The following CWF19L1 variants were observed in gnomAD, a reference collection of about 807,000 sequenced individuals.
The protein encoded by CWF19L1 is CWF19 like cell cycle control factor 1.
Under a neutral mutation model 69.7 loss-of-function variants are expected in CWF19L1, and 60 were observed. The observed-to-expected ratio is 0.86, with a 90% confidence interval of 0.70 to 1.07. CWF19L1 has a LOEUF of 1.07. Among genes scored for constraint, CWF19L1 ranks in the 50% least tolerant of loss-of-function variants. The probability of loss-of-function intolerance (pLI) is 0.00; values close to 1 mark genes in which losing one functional copy is unlikely to be tolerated. For synonymous variants in CWF19L1, 209 were observed against 222.2 expected (o/e 0.94, Z 0.53); for missense variants, 591 against 638.9 (o/e 0.92, Z 0.81).
At chr10:100,245,034 T>G (rs1168328187) in intron 9 of CWF19L1, among the ~76,000 whole-genome samples, 1 of 151,738 alleles carries the variant, frequency 6.6e-6, no homozygotes, top group Non-Finnish European at 1.5e-5. Flanking sequence ...ACTTTTTTTT[T>G]TTTTTTGAGA....
Position 100,256,474 on chromosome 10 carries a change from G to T in CWF19L1, c.292C>A (p.Arg98Ser), listed in dbSNP as rs372465564. 2.5e-6 allele frequency: 4 copies of T among 1,613,772 alleles called. No homozygotes were observed. The South Asian group carries it at 4.4e-5, about 18-fold the overall frequency. Residue 98 changes from arginine (R) to serine (S), a missense_variant and splice_region_variant, in exon 5 of 14, where the codon CGT becomes AGT. Transcript: ENST00000354105. Reference protein sequence around the residue: ...ELAENITYLGRKGIFTGSSGL... With the variant: ...ELAENITYLGSKGIFTGSSGL... ...GAGCTTCCAGTGAAGATACCTTTAC[G>T]ACCTGGGTTCAAAGAAAAATGAACA...
At chr10:100,260,395 A>C (rs1231692623) in intron 3 of CWF19L1, 76 bp from the exon 4 acceptor site, 1 of 757,458 alleles carries the variant, frequency 1.3e-6, no homozygotes, top group African/African-American at 1.8e-5. Flanking sequence ...TCTCTATAGA[A>C]AAAATACTTA....
At chr10:100,257,376 C>A (rs1412217430) in intron 4 of CWF19L1, among the ~76,000 whole-genome samples, 1 of 149,824 alleles carries the variant, frequency 6.7e-6, no homozygotes, top group East Asian at 2.0e-4. Flanking sequence ...TCATTGCAAC[C>A]TCCACCTCCG....
At chr10:100,247,844 C>T (rs989765060) in intron 7 of CWF19L1, among the ~76,000 whole-genome samples, 1 of 151,932 alleles carries the variant, frequency 6.6e-6, no homozygotes, top group African/African-American at 2.4e-5. Flanking sequence ...TGCAGTAAGC[C>T]GAGATCGTGC....
chr10:100,250,081 CAA>C, intron 7 of CWF19L1, 165 bp downstream of exon 7: 2 of 637,198 alleles, frequency 3.1e-6, no homozygotes, highest in Non-Finnish European at 5.6e-6. Context: ...CAAAAAGACC[CAA>C]AGAGACTTGA....
chr10:100,267,333 T>A, intron 1 of CWF19L1: 2 of 701,184 alleles, frequency 2.9e-6, no homozygotes, highest in Non-Finnish European at 3.5e-6. Flanking sequence ...GGCCTAACTC[T>A]GGGAGCTTCC....
chr10:100,239,872 T>TA (rs911570519), intron 10 of CWF19L1, among the ~76,000 whole-genome samples: 18 of 152,224 alleles, frequency 1.2e-4, no homozygotes, highest in African/African-American at 4.3e-4. Context: ...TCACAGGCAC[T>TA]AAAAACTTTT....
chr10:100,257,399 A>T (rs1473029295), intron 4 of CWF19L1, among the ~76,000 whole-genome samples: 1 of 147,178 alleles, frequency 6.8e-6, no homozygotes, highest in African/African-American at 2.5e-5. Context: ...TCCCGGGTTC[A>T]AGTGATTCTC....
chr10:100,243,582 T>C (rs1341276098), intron 10 of CWF19L1, 116 bp downstream of exon 10: 1 of 927,552 alleles, frequency 1.1e-6, no homozygotes, highest in East Asian at 2.4e-5. Context: ...CTTACGAAAA[T>C]CACCGAATCA....
At chr10:100,245,057 C>CT (rs1207262462) in intron 9 of CWF19L1, among the ~76,000 whole-genome samples, 1 of 149,632 alleles carries the variant, frequency 6.7e-6, no homozygotes, top group Admixed American at 6.7e-5. Context: ...GAGTCTCACT[C>CT]TGTCACCCAG....
At chr10:100,235,842 A>C (rs1846417115) in intron 12 of CWF19L1, 78 bp from the exon 13 acceptor site, 2 of 1,021,164 alleles carry the variant, frequency 2.0e-6, no homozygotes, top group African/African-American at 3.2e-5. Context: ...CTAGGCAAAT[A>C]ATTCAGTCTA....
chr10:100,259,531 T>C (rs747723549), intron 4 of CWF19L1, among the ~76,000 whole-genome samples: 23 of 152,302 alleles, frequency 1.5e-4, no homozygotes, highest in Admixed American at 8.5e-4. Context: ...CCTAGCAAGA[T>C]TGTATGGTAA....
intron 1 of CWF19L1, among the ~76,000 whole-genome samples, chr10:100,266,099 T>C (rs1203142322): frequency 6.6e-6 from 1 of 152,108 alleles, no homozygotes; most frequent in African/African-American, 2.4e-5. Context: ...TCGGGAAGCC[T>C]TCTTGACTCC....
chr10:100,254,874 T>C (rs187686365), intron 5 of CWF19L1, among the ~76,000 whole-genome samples: 1 of 152,280 alleles, frequency 6.6e-6, no homozygotes, highest in Non-Finnish European at 1.5e-5. Flanking sequence ...TGCCTTGTAT[T>C]CTACGTAAAG....
In CWF19L1 at chr10:100,235,647, T is replaced by C; in HGVS notation, c.1472+20A>G. Reference sequence around the variant, plus strand: ...CATAGCAGGTCTAGTGAAAATACATTGAAAAGAAGAAAAACATACCTTCCA... The same window carrying C: ...CATAGCAGGTCTAGTGAAAATACATCGAAAAGAAGAAAAACATACCTTCCA... On this transcript the variant is annotated intron_variant, in intron 13 of 13. Coordinates refer to ENST00000354105, the MANE Select transcript of CWF19L1 (RefSeq NM_018294.6). 2 of 1,560,250 alleles carry C rather than the reference T, an allele frequency of 1.3e-6. No individual in the cohort carries two copies. Among genetic ancestry groups the C allele is most frequent in the East Asian group, 2.2e-5 (1 of 44,610 alleles).
rs762798154 is a variant in CWF19L1, at chr10:100,256,242, A to T, written c.504+20T>A. 3 of 1,601,278 alleles carry T rather than the reference A, an allele frequency of 1.9e-6. No homozygotes were observed. The South Asian group carries it at 3.3e-5, about 18-fold the overall frequency. ...GTGCAATTTGCTTTTAGAAATTCCAACTAAACAAACACTACTCACAGAAGA... is the reference window on the plus strand; with the variant it reads ...GTGCAATTTGCTTTTAGAAATTCCATCTAAACAAACACTACTCACAGAAGA... On this transcript the variant is annotated intron_variant, in intron 5 of 13. Coordinates refer to ENST00000354105, the MANE Select transcript of CWF19L1 (RefSeq NM_018294.6).
At chr10:100,235,027 T>C (rs572351307) in intron 13 of CWF19L1, among the ~76,000 whole-genome samples, 1 of 152,314 alleles carries the variant, frequency 6.6e-6, no homozygotes, top group South Asian at 2.1e-4. Context: ...GGTATGGCTA[T>C]TTAAATTTAA....
chr10:100,256,227 C>A (rs769454714), intron 5 of CWF19L1, 35 bp downstream of exon 5: 2 of 1,552,750 alleles, frequency 1.3e-6, no homozygotes, highest in Non-Finnish European at 8.9e-7. Flanking sequence ...GTGCAATTTG[C>A]TTTTAGAAAT....
intron 2 of CWF19L1, among the ~76,000 whole-genome samples, chr10:100,261,279 A>T (rs2134322345): frequency 6.6e-6 from 1 of 152,338 alleles, no homozygotes; most frequent in East Asian, 1.9e-4. Flanking sequence ...GGTAAGAGAG[A>T]GTCAAGGAAC....
Sources: gnomAD v4.1 joint callset for allele counts (sites outside exome capture counted in the v4.1 genomes callset) on GRCh38, gnomAD v4.1.1 for gene constraint, MANE v1.5 for transcripts, NCBI Gene and HGNC (gene_info 2026-07-23, HGNC 2026-07-21) for gene names.